The following MGP variants were observed in gnomAD, a reference collection of about 807,000 sequenced individuals.
MGP encodes the protein matrix Gla protein.
In MGP, 13 loss-of-function variants were observed where a neutral mutation model predicts 14.5. That is an observed-to-expected ratio of 0.89 (90% CI 0.58 to 1.42). The LOEUF is 1.42. MGP is among the 40% of genes most tolerant of loss of function. The pLI is 0.00. For synonymous variants in MGP, 44 were observed against 46.3 expected, an observed-to-expected ratio of 0.95 and a Z score of 0.20; for missense variants, 128 against 133.7, an observed-to-expected ratio of 0.96 and a Z score of 0.21.
At chr12:14,882,716 T>G (rs1449047062) in intron 3 of MGP, among the ~76,000 whole-genome samples, 1 of 149,978 alleles carries the variant, frequency 6.7e-6, no homozygotes, top group African/African-American at 2.4e-5. Context: ...ACAGGAGATT[T>G]TTTTTTTTTT....
Position 14,882,966 on chromosome 12 carries a change from A to G in MGP, c.170+6T>C. On this transcript the variant is annotated splice_donor_region_variant and intron_variant, in intron 3 of 3. Coordinates refer to ENST00000539261, the MANE Select transcript of MGP (RefSeq NM_000900.5). ...TGACCACTCCTCATGAAGTTTTGTT[A>G]CTGACCTCTCTTGGACTTTAGCTCT... 6.2e-7 allele frequency: 1 copy of G among 1,603,420 alleles called. No individual in the cohort carries two copies. Among genetic ancestry groups the G allele is most frequent in the Non-Finnish European group, 8.5e-7 (1 of 1,170,396 alleles).
At chr12:14,884,764 G>A (rs1863420402) in intron 1 of MGP, 2 of 1,498,122 alleles carry the variant, frequency 1.3e-6, no homozygotes, top group Admixed American at 2.1e-5. Flanking sequence ...TTAAGAACCT[G>A]TGTTAAATTG....
chr12:14,883,293 C>T (rs556150880), intron 2 of MGP: 80 of 460,516 alleles, frequency 1.7e-4, no homozygotes, highest in South Asian at 1.6e-3. Flanking sequence ...TGAGTTTGGA[C>T]GATCACTTTG....
At chr12:14,884,298 A>T in intron 1 of MGP, 53 bp from the exon 2 acceptor site, 1 of 1,181,656 alleles carries the variant, frequency 8.5e-7, no homozygotes, top group Non-Finnish European at 1.2e-6. Flanking sequence ...ATGATTCATT[A>T]TGTTATTATT....
chr12:14,882,955 G>A lies in MGP; in HGVS notation c.170+17C>T. The A allele has an allele frequency of 6.3e-7, 1 of 1,579,746 alleles. No homozygotes were observed. Among genetic ancestry groups the A allele is most frequent in the South Asian group, 1.1e-5 (1 of 90,316 alleles). On this transcript the variant is annotated intron_variant, in intron 3 of 3. Transcript: ENST00000539261. Reference sequence around the variant, plus strand: ...ACTGGGAAAAATGACCACTCCTCATGAAGTTTTGTTACTGACCTCTCTTGG... The same window carrying A: ...ACTGGGAAAAATGACCACTCCTCATAAAGTTTTGTTACTGACCTCTCTTGG...
chr12:14,883,104 C>T (rs1289670726), intron 2 of MGP, 57 bp from the exon 3 acceptor site: 12 of 1,289,368 alleles, frequency 9.3e-6, no homozygotes, highest in Middle Eastern at 1.8e-4. Context: ...GAAATATTTC[C>T]GTGAATATTC....
chr12:14,882,320 A>G, intron 3 of MGP, 40 bp from the exon 4 acceptor site: 1 of 1,611,810 alleles, frequency 6.2e-7, no homozygotes, highest in Non-Finnish European at 8.5e-7. Context: ...AGAAGGATAA[A>G]GTGGAAAAAT....
chr12:14,882,566 C>A (rs915454725), intron 3 of MGP, among the ~76,000 whole-genome samples: 1 of 151,722 alleles, frequency 6.6e-6, no homozygotes, highest in African/African-American at 2.4e-5. Context: ...GACATGGTAG[C>A]ACGTGCCTGT....
At chr12:14,884,701 G>A (rs1863419707) in intron 1 of MGP, 1 of 821,672 alleles carries the variant, frequency 1.2e-6, no homozygotes, top group Non-Finnish European at 1.8e-6. Context: ...CTACAGGGCA[G>A]TTGCTCTGCT....
chr12:14,882,527 C>T (rs1226094263), intron 3 of MGP, among the ~76,000 whole-genome samples: 1 of 151,630 alleles, frequency 6.6e-6, no homozygotes, highest in Non-Finnish European at 1.5e-5. Flanking sequence ...GACAAAACCC[C>T]GTCTCTACAA....
At chr12:14,883,923 G>A in intron 2 of MGP, 1 of 270,382 alleles carries the variant, frequency 3.7e-6, no homozygotes, top group Non-Finnish European at 7.1e-6. Context: ...ATTACTCCTC[G>A]TTTTCCATCT....
At chr12:14,882,776 C>T (rs1469058718) in intron 3 of MGP, among the ~76,000 whole-genome samples, 196 bp downstream of exon 3, 18 of 148,896 alleles carry the variant, frequency 1.2e-4, no homozygotes, top group Non-Finnish European at 4.4e-5. Flanking sequence ...CTCCTCCTTC[C>T]TTCTCCTTTC....
rs139024680 is a variant in MGP at position 14,885,750 on chromosome 12, C to A, written c.42G>T (p.Ala14=). Residue 14 remains alanine, a synonymous_variant, in exon 1 of 4, where the codon GCG becomes GCT. Coordinates refer to ENST00000539261, the MANE Select transcript of MGP (RefSeq NM_000900.5). ...TCTCACCATAACACAAAGTTACTACCGCTAAGGCGGCCAGGATGGCAAGAA... is the reference window on the plus strand; with the variant it reads ...TCTCACCATAACACAAAGTTACTACAGCTAAGGCGGCCAGGATGGCAAGAA... ...LILLAILAAL[A]VVTLCYESHE... The A allele has an allele frequency of 6.2e-7, 1 of 1,613,728 alleles. No homozygotes were observed.
chr12:14,882,244 A>T lies in MGP; in HGVS notation c.207T>A (p.Asn69Lys), dbSNP rs186013880. 1 of 1,614,142 alleles carries T rather than the reference A, an allele frequency of 6.2e-7. No individual in the cohort carries two copies. Residue 69 changes from asparagine (N) to lysine (K), a missense_variant, in exon 4 of 4, where the codon AAT (asparagine) becomes AAA (lysine). Transcript: ENST00000539261. ...GTCTGTAGTCATCACAGGCTTCCCT[A>T]TTGAGCTCGTGGACAGGCTTAGAGC... ...RERSKPVHELNREACDDYRLC... is the reference protein window; with the variant it reads ...RERSKPVHELKREACDDYRLC...
At chr12:14,884,690 A>G (rs1014745331) in intron 1 of MGP, 3 of 699,482 alleles carry the variant, frequency 4.3e-6, no homozygotes, top group Non-Finnish European at 6.8e-6. Flanking sequence ...AGGCAAGAGA[A>G]CTACAGGGCA....
intron 1 of MGP, among the ~76,000 whole-genome samples, chr12:14,885,452 G>T (rs887221572): frequency 3.7e-4 from 56 of 152,230 alleles, no homozygotes; most frequent in African/African-American, 1.3e-3. Flanking sequence ...CTGGGAATTT[G>T]GTATCTTCTT....
rs1354595715 is a variant in MGP, at chr12:14,885,004, T to C, written c.61+727A>G. 6 of 758,970 alleles carry C rather than the reference T, an allele frequency of 7.9e-6. No individual in the cohort carries two copies. In the Admixed American group the frequency reaches 1.7e-4, roughly 21 times the overall value. The allele number at this position is 758,970 out of a possible 1,614,324, so 47.0% of individuals were successfully genotyped here. A position where few individuals can be genotyped will look rare whatever the true frequency, so the allele number is the denominator to read the frequency against. ...AAATCAAATCCTCTAATACAGAAAA[T>C]TTGTGAATACAAGAGTGAGAAGCAT... On this transcript the variant is annotated intron_variant, in intron 1 of 3. Coordinates refer to ENST00000539261, the MANE Select transcript of MGP (RefSeq NM_000900.5).
At chr12:14,883,401 G>A (rs1339377790) in intron 2 of MGP, 5 of 332,364 alleles carry the variant, frequency 1.5e-5, no homozygotes, top group Non-Finnish European at 2.9e-5. Flanking sequence ...CTAGATTGCC[G>A]ATACATGAAC....
intron 1 of MGP, chr12:14,884,754 T>G: frequency 6.8e-7 from 1 of 1,477,474 alleles, no homozygotes. Context: ...CGAAAGCCTC[T>G]TAAGAACCTG....
Sources: gnomAD v4.1 joint callset for allele counts (sites outside exome capture counted in the v4.1 genomes callset) on GRCh38, gnomAD v4.1.1 for gene constraint, MANE v1.5 for transcripts, NCBI Gene and HGNC (gene_info 2026-07-23, HGNC 2026-07-21) for gene names.